TLN2: variants seen among roughly 807,000 people sequenced by gnomAD.
TLN2 encodes talin 2.
TLN2 carries 118 observed loss-of-function variants against 294.7 expected under a neutral mutation model. The observed-to-expected ratio is 0.40, with a 90% CI of 0.34 to 0.47. TLN2 has a LOEUF of 0.47. Ranked by LOEUF, TLN2 falls within the 20% of genes least tolerant of loss-of-function variation. TLN2 has a pLI of 0.84. For missense variants in TLN2, 3,083 were observed against 3,282.2 expected (o/e 0.94, Z 1.48); for synonymous variants, 1,431 against 1,304.5 (o/e 1.10, Z -2.09).
intron 1 of TLN2, among the ~76,000 whole-genome samples, chr15:62,510,468 T>C (rs2039868530): frequency 6.6e-6 from 1 of 152,246 alleles, no homozygotes; most frequent in Non-Finnish European, 1.5e-5. Flanking sequence ...TAGAAATAGG[T>C]ATATGATGAT....
At chr15:62,837,459 T>C (rs1281609866) in intron 57 of TLN2, among the ~76,000 whole-genome samples, 1 of 152,220 alleles carries the variant, frequency 6.6e-6, no homozygotes, top group Non-Finnish European at 1.5e-5. Context: ...CCATCCACAC[T>C]GACTCTTATG....
At chr15:62,566,184 G>T (rs1450551975) in intron 1 of TLN2, among the ~76,000 whole-genome samples, 1 of 152,128 alleles carries the variant, frequency 6.6e-6, no homozygotes, top group East Asian at 1.9e-4. Flanking sequence ...GATAACTCCT[G>T]TTGGGGGCTT....
At chr15:62,552,879 T>C (rs2042400871) in intron 1 of TLN2, among the ~76,000 whole-genome samples, 1 of 152,264 alleles carries the variant, frequency 6.6e-6, no homozygotes, top group Admixed American at 6.5e-5. Context: ...CAGTATTTGC[T>C]AATTCAGTAT....
In TLN2 at chr15:62,657,677, C is replaced by T; in HGVS notation, c.661-94C>T. The T allele has an allele frequency of 2.1e-5, 32 of 1,514,138 alleles. 1 individual carries two copies. The South Asian group carries it at 4.0e-4, about 19-fold the overall frequency. The allele number at this position is 1,514,138 out of a possible 1,614,324, so 93.8% of individuals were successfully genotyped here. A position where few individuals can be genotyped will look rare whatever the true frequency, so the allele number is the denominator to read the frequency against. On this transcript the variant is annotated intron_variant, in intron 8 of 58. Coordinates refer to ENST00000636159, the MANE Select transcript of TLN2 (RefSeq NM_015059.3). ...GGTTGGCTGGCACTGTCCCCTGCTC[C>T]ACAGAGGGTGTACTGGGCCATGGGA...
intron 1 of TLN2, among the ~76,000 whole-genome samples, chr15:62,406,754 T>A (rs1424864823): frequency 2.0e-5 from 3 of 152,140 alleles, no homozygotes; most frequent in Non-Finnish European, 1.5e-5. Flanking sequence ...TAGTCCTCAG[T>A]CTGATCTGTA....
At chr15:62,642,181 A>G (rs1466845627) in intron 3 of TLN2, among the ~76,000 whole-genome samples, 2 of 152,266 alleles carry the variant, frequency 1.3e-5, no homozygotes, top group African/African-American at 4.8e-5. Flanking sequence ...AAGAAACACA[A>G]TGCAGGTTTT....
chr15:62,480,661 C>T (rs2038036135), intron 1 of TLN2, among the ~76,000 whole-genome samples: 2 of 152,212 alleles, frequency 1.3e-5, no homozygotes, highest in Non-Finnish European at 2.9e-5. Context: ...GTCTTCATCA[C>T]CCTGGTAAGC....
In TLN2 at chr15:62,780,369, G is replaced by A. The variant is rs2064053440; in HGVS notation, c.5515-771G>A. Among the ~76,000 whole-genome samples, 3 of 152,192 alleles carry A rather than the reference G, an allele frequency of 2.0e-5. No homozygotes were observed. In the South Asian group the frequency reaches 6.2e-4, roughly 32 times the overall value. The stretch of plus-strand genomic sequence containing the variant: ...TCCTGTATATAGTTCTTGACCAGGT[G>A]TAGTGTTGATTTTTACTGTAACCAT... On this transcript the variant is annotated intron_variant, in intron 43 of 58. Transcript: ENST00000636159.
chr15:62,643,986 T>C (rs899599224), intron 3 of TLN2, among the ~76,000 whole-genome samples: 4 of 152,138 alleles, frequency 2.6e-5, no homozygotes, highest in African/African-American at 9.7e-5. Context: ...AGCAACCATG[T>C]GATGTGCACT....
intron 1 of TLN2, among the ~76,000 whole-genome samples, chr15:62,419,495 A>G (rs986543658): frequency 4.6e-5 from 7 of 152,194 alleles, no homozygotes; most frequent in Non-Finnish European, 8.8e-5. Flanking sequence ...ACAAATAGGA[A>G]CTATTGGAGC....
chr15:62,647,950 C>T (rs575765677), intron 4 of TLN2, among the ~76,000 whole-genome samples: 1 of 152,316 alleles, frequency 6.6e-6, no homozygotes, highest in Non-Finnish European at 1.5e-5. Context: ...CTAAATCACT[C>T]ATCCCCGTTA....
chr15:62,722,242 T>C lies in TLN2; in HGVS notation c.2992-111T>C, dbSNP rs1398002116. 5 of 1,281,390 alleles carry C rather than the reference T, an allele frequency of 3.9e-6. No individual in the cohort carries two copies. In the East Asian group the frequency reaches 9.8e-5, roughly 25 times the overall value. 79.4% of individuals were successfully genotyped at this position (1,281,390 alleles called of 1,614,324 possible). On this transcript the variant is annotated intron_variant, in intron 25 of 58. Transcript: ENST00000636159. Reference sequence around the variant, plus strand: ...GGGATGAGTTGTTTAATATTCCTTTTTTTTAGGACAAAATCAGTTCTTACT... The same window carrying C: ...GGGATGAGTTGTTTAATATTCCTTTCTTTTAGGACAAAATCAGTTCTTACT...
At chr15:62,717,812 G>A in intron 24 of TLN2, 123 bp downstream of exon 24, 11 of 643,726 alleles carry the variant, frequency 1.7e-5, no homozygotes, top group Non-Finnish European at 2.7e-5. Context: ...ATTTGCCCCA[G>A]TTCCCATGTT....
chr15:62,469,342 A>C (rs1387502981), intron 1 of TLN2, among the ~76,000 whole-genome samples: 1 of 152,214 alleles, frequency 6.6e-6, no homozygotes, highest in Non-Finnish European at 1.5e-5. Flanking sequence ...TCAGAAGACA[A>C]AGTGTGTGAG....
chr15:62,615,429 G>A (rs1415539504), intron 2 of TLN2, among the ~76,000 whole-genome samples: 3 of 152,218 alleles, frequency 2.0e-5, no homozygotes, highest in Non-Finnish European at 4.4e-5. Context: ...AATGGTGGGT[G>A]CAGCCCACCC....
At chr15:62,840,434 G>A (rs1485989323) in intron 58 of TLN2, 48 bp from the exon 59 acceptor site, 14 of 1,608,882 alleles carry the variant, frequency 8.7e-6, no homozygotes, top group African/African-American at 1.3e-5. Flanking sequence ...GGGTCGGAGG[G>A]TTTTCTACAA....
intron 2 of TLN2, among the ~76,000 whole-genome samples, chr15:62,594,544 A>G (rs1326473289): frequency 6.6e-6 from 1 of 152,154 alleles, no homozygotes; most frequent in Non-Finnish European, 1.5e-5. Flanking sequence ...GGTACCAAGA[A>G]CACACAATGG....
chr15:62,577,919 C>T (rs192530633), intron 1 of TLN2, among the ~76,000 whole-genome samples: 2 of 152,136 alleles, frequency 1.3e-5, no homozygotes, highest in African/African-American at 4.8e-5. Flanking sequence ...GTTCAACTCC[C>T]ACCTATGAGT....
chr15:62,407,709 G>A (rs1175955375), intron 1 of TLN2, among the ~76,000 whole-genome samples: 2 of 152,076 alleles, frequency 1.3e-5, no homozygotes, highest in South Asian at 4.1e-4. Flanking sequence ...TTGAATTCAG[G>A]AGTTCAAGAC....
Sources: allele counts gnomAD v4.1 joint callset (sites outside exome capture counted in the v4.1 genomes callset), GRCh38; gene constraint gnomAD v4.1.1; transcripts MANE v1.5; gene names NCBI Gene and HGNC (gene_info 2026-07-23, HGNC 2026-07-21).